TAFA4: variants seen among roughly 807,000 people sequenced by gnomAD.
The protein encoded by TAFA4 is chemokine-like protein TAFA-4.
In TAFA4, 20 loss-of-function variants were observed where a neutral mutation model predicts 21.1. The ratio of observed to expected loss-of-function variants is 0.95; its 90% CI spans 0.67 to 1.38. The LOEUF (loss-of-function observed/expected upper bound fraction) is 1.38, where lower values mean the gene tolerates loss of function less well. TAFA4 is among the 40% of genes most tolerant of loss of function. The probability of loss-of-function intolerance (pLI) is 0.00; values close to 1 mark genes in which losing one functional copy is unlikely to be tolerated. For missense variants in TAFA4, 211 were observed against 180.9 expected (o/e 1.17, Z -0.95); for synonymous variants, 71 against 67.4 (o/e 1.05, Z -0.26).
At chr3:68,787,711 G>A (rs1390182410) in intron 3 of TAFA4, among the ~76,000 whole-genome samples, 1 of 152,176 alleles carries the variant, frequency 6.6e-6, no homozygotes, top group Non-Finnish European at 1.5e-5. Context: ...TACAGTCCCT[G>A]ACTGCATCAA....
chr3:68,855,174 A>G (rs1705044052), intron 3 of TAFA4, among the ~76,000 whole-genome samples: 1 of 152,214 alleles, frequency 6.6e-6, no homozygotes, highest in Admixed American at 6.5e-5. Flanking sequence ...AACCAACACC[A>G]AAGAGTTCAA....
At chr3:68,824,553 C>T (rs2106868202) in intron 3 of TAFA4, among the ~76,000 whole-genome samples, 1 of 152,318 alleles carries the variant, frequency 6.6e-6, no homozygotes, top group Non-Finnish European at 1.5e-5. Flanking sequence ...TTCCCCATCT[C>T]AAGATCCTTC....
intron 3 of TAFA4, among the ~76,000 whole-genome samples, chr3:68,878,547 C>T (rs1045237901): frequency 7.3e-5 from 11 of 151,590 alleles, no homozygotes; most frequent in African/African-American, 2.7e-4. Context: ...GCACTGCTTA[C>T]AGCCAAAAAA....
At chr3:68,918,132 T>TACACACACACACACACACACAC (rs71618251) in intron 1 of TAFA4, among the ~76,000 whole-genome samples, 8 of 148,826 alleles carry the variant, frequency 5.4e-5, no homozygotes, top group African/African-American at 2.0e-4. Context: ...CAGACACACA[T>TACACACACACACACACACACAC]ACACACACAC....
intron 1 of TAFA4, among the ~76,000 whole-genome samples, chr3:68,908,132 G>C (rs978853538): frequency 2.0e-5 from 3 of 152,152 alleles, no homozygotes; most frequent in Non-Finnish European, 4.4e-5. Context: ...TAAAATGTAG[G>C]CTGGACGTAA....
At chr3:68,899,081 G>A (rs181389184) in intron 1 of TAFA4, among the ~76,000 whole-genome samples, 11 of 152,250 alleles carry the variant, frequency 7.2e-5, no homozygotes, top group Admixed American at 4.6e-4. Context: ...CCATAGCTGC[G>A]TAGGAAATAC....
intron 4 of TAFA4, among the ~76,000 whole-genome samples, chr3:68,747,961 C>T (rs954498810): frequency 7.9e-5 from 12 of 152,280 alleles, no homozygotes; most frequent in East Asian, 1.9e-4. Context: ...TCATATGCTT[C>T]GTGCTGCCTT....
At chr3:68,872,464 G>T (rs1432375299) in intron 3 of TAFA4, among the ~76,000 whole-genome samples, 1 of 151,588 alleles carries the variant, frequency 6.6e-6, no homozygotes, top group Non-Finnish European at 1.5e-5. Context: ...TTAGAGAGAA[G>T]AAATATGAGG....
chr3:68,742,878 C>G (rs780863283), intron 4 of TAFA4, among the ~76,000 whole-genome samples: 3 of 152,212 alleles, frequency 2.0e-5, no homozygotes, highest in Non-Finnish European at 2.9e-5. Flanking sequence ...AGTGCTAACG[C>G]TTATATTCAT....
At chr3:68,877,032 C>T (rs1486137829) in intron 3 of TAFA4, among the ~76,000 whole-genome samples, 3 of 152,206 alleles carry the variant, frequency 2.0e-5, no homozygotes, top group East Asian at 3.9e-4. Flanking sequence ...AAAACTGAAG[C>T]TCATGCTGCT....
At chr3:68,915,533 A>T (rs2089996060) in intron 1 of TAFA4, among the ~76,000 whole-genome samples, 1 of 152,206 alleles carries the variant, frequency 6.6e-6, no homozygotes, top group African/African-American at 2.4e-5. Flanking sequence ...TTGGGCTGCT[A>T]ATTAGGTGAT....
intron 3 of TAFA4, among the ~76,000 whole-genome samples, chr3:68,755,621 G>A (rs370667000): frequency 6.6e-6 from 1 of 152,176 alleles, no homozygotes; most frequent in African/African-American, 2.4e-5. Flanking sequence ...GCATGCAGCA[G>A]ATGTGCTGGT....
At chr3:68,816,548 AT>A (rs1352219827) in intron 3 of TAFA4, among the ~76,000 whole-genome samples, 1 of 152,042 alleles carries the variant, frequency 6.6e-6, no homozygotes, top group African/African-American at 2.4e-5. Context: ...TTGTATGTTG[AT>A]TTTGATTATG....
At chr3:68,783,816 G>A (rs956730270) in intron 3 of TAFA4, among the ~76,000 whole-genome samples, 6 of 151,920 alleles carry the variant, frequency 3.9e-5, no homozygotes, top group African/African-American at 1.5e-4. Flanking sequence ...AAAATAACAG[G>A]TGTGATTGTC....
At chr3:68,855,904 C>T (rs1471513888) in intron 3 of TAFA4, among the ~76,000 whole-genome samples, 1 of 152,090 alleles carries the variant, frequency 6.6e-6, no homozygotes, top group Non-Finnish European at 1.5e-5. Flanking sequence ...AAGCTCACTG[C>T]CGTGTACCTG....
intron 3 of TAFA4, among the ~76,000 whole-genome samples, chr3:68,820,633 T>C (rs1704092877): frequency 6.6e-6 from 1 of 152,102 alleles, no homozygotes; most frequent in African/African-American, 2.4e-5. Flanking sequence ...ACCACTGTAC[T>C]CCAAGCTGGG....
At chr3:68,744,106 T>C (rs1304741980) in intron 4 of TAFA4, among the ~76,000 whole-genome samples, 1 of 152,216 alleles carries the variant, frequency 6.6e-6, no homozygotes, top group Admixed American at 6.5e-5. Flanking sequence ...TCAAAACTCT[T>C]CCTCAGACTA....
At chr3:68,821,817 G>C (rs1396019236) in intron 3 of TAFA4, among the ~76,000 whole-genome samples, 2 of 152,002 alleles carry the variant, frequency 1.3e-5, no homozygotes, top group Non-Finnish European at 2.9e-5. Context: ...TTTATTCAAA[G>C]AAAAATGAGA....
intron 3 of TAFA4, among the ~76,000 whole-genome samples, chr3:68,865,772 G>T (rs1285161884): frequency 6.6e-6 from 1 of 152,036 alleles, no homozygotes; most frequent in Non-Finnish European, 1.5e-5. Flanking sequence ...AGCTTCCAAA[G>T]TAGCTAGAAC....
Sources: gnomAD v4.1 joint callset for allele counts (sites outside exome capture counted in the v4.1 genomes callset) on GRCh38, gnomAD v4.1.1 for gene constraint, MANE v1.5 for transcripts, NCBI Gene and HGNC (gene_info 2026-07-23, HGNC 2026-07-21) for gene names.